RAB8A: variants seen among roughly 807,000 people sequenced by gnomAD.
The protein encoded by RAB8A is ras-related protein Rab-8A.
RAB8A carries 5 observed loss-of-function variants against 29.2 expected under a neutral mutation model. The observed-to-expected ratio is 0.17, with a 90% confidence interval of 0.09 to 0.36. The LOEUF (loss-of-function observed/expected upper bound fraction) is 0.36. RAB8A is among the 10% of genes least tolerant of loss of function. The probability of loss-of-function intolerance (pLI) is 1.00; values close to 1 mark genes in which losing one functional copy is unlikely to be tolerated. For missense variants in RAB8A, 171 were observed against 272.2 expected, an observed-to-expected ratio of 0.63 and a Z score of 2.62; for synonymous variants, 108 against 99.9, an observed-to-expected ratio of 1.08 and a Z score of -0.49.
rs1405256244 is a variant in RAB8A at position 16,133,117 on chromosome 19, C to G, written c.*813C>G. 6.6e-6 allele frequency: 1 copy of G among 152,376 alleles called. No homozygotes were observed. Among genetic ancestry groups the G allele is most frequent in the Admixed American group, 6.6e-5 (1 of 15,260 alleles). 9.4% of individuals were successfully genotyped at this position (152,376 alleles called of 1,614,324 possible). ...ACCCTCCTCTCAGCACCAAAATGGC[C>G]CCCACTCCTTCGTGTCCTCCCGCTA... On this transcript the variant is annotated 3_prime_UTR_variant, in exon 8 of 8. Coordinates refer to ENST00000300935, the MANE Select transcript of RAB8A (RefSeq NM_005370.5).
chr19:16,124,236 G>T (rs11665996), intron 3 of RAB8A: 28,182 of 151,980 alleles, frequency 0.19, 3,387 homozygotes, highest in Non-Finnish European at 0.27. Context: ...TGACTGTGAG[G>T]CCATTATTCA....
In RAB8A at chr19:16,121,817, A is replaced by T; in HGVS notation, c.246+7A>T. On this transcript the variant is annotated splice_region_variant and intron_variant, in intron 3 of 7. Coordinates refer to ENST00000300935, the MANE Select transcript of RAB8A (RefSeq NM_005370.5). ...CTACTACAGGGGTGCAATGGTAGGG[A>T]CTTTTTGTTTGGTTGTTTTTATCTG... The T allele has an allele frequency of 6.2e-7, 1 of 1,612,180 alleles. No individual in the cohort carries two copies. The highest frequency in any genetic ancestry group is 8.5e-7 in the Non-Finnish European group (1 of 1,178,490).
intron 1 of RAB8A, 112 bp downstream of exon 1, chr19:16,112,137 G>T: frequency 6.9e-7 from 1 of 1,442,522 alleles, no homozygotes; most frequent in Non-Finnish European, 9.4e-7. Context: ...CGCTGAGAGG[G>T]TCGAGGGGGC....
Position 16,132,382 on chromosome 19 carries a change from G to T in RAB8A, c.*78G>T, listed in dbSNP as rs982604435. The T allele has an allele frequency of 1.4e-6, 2 of 1,464,286 alleles. No homozygotes were observed. The highest frequency in any genetic ancestry group is 2.8e-5 in the African/African-American group (2 of 71,316). 90.7% of individuals were successfully genotyped at this position (1,464,286 alleles called of 1,614,324 possible). A position where few individuals can be genotyped will look rare whatever the true frequency, so the allele number is the denominator to read the frequency against. Reference sequence around the variant, plus strand: ...TGAGTGAGCCCCTCACTCAGCCGGGGCCCTCCCACCTCCAACGCCCCGCCC... The same window carrying T: ...TGAGTGAGCCCCTCACTCAGCCGGGTCCCTCCCACCTCCAACGCCCCGCCC... On this transcript the variant is annotated 3_prime_UTR_variant, in exon 8 of 8. Transcript: ENST00000300935. The surrounding 1 kb of genome is among the most constrained non-coding windows in gnomAD (Gnocchi z 5.6).
At position 16,112,162 on chromosome 19, in the gene RAB8A, G is replaced by C. The variant is rs946536798; in HGVS notation, c.124+137G>C. 5.5e-6 allele frequency: 7 copies of C among 1,267,896 alleles called. No individual in the cohort carries two copies. In the African/African-American group the frequency reaches 1.0e-4, roughly 19 times the overall value. The allele number at this position is 1,267,896 out of a possible 1,614,324, so 78.5% of individuals were successfully genotyped here. ...GTCGAGGGGGCCTAAAGGGAGAAGA[G>C]CAGTCGCCTGCACCGCCGTTCGGGG... On this transcript the variant is annotated intron_variant, in intron 1 of 7. Coordinates refer to ENST00000300935, the MANE Select transcript of RAB8A (RefSeq NM_005370.5).
chr19:16,131,106 G>A (rs867139860), intron 7 of RAB8A, among the ~76,000 whole-genome samples: 131 of 152,000 alleles, frequency 8.6e-4, no homozygotes, highest in African/African-American at 2.7e-3. Flanking sequence ...TTACAGGTGT[G>A]GGCCACCCCG....
chr19:16,121,572 G>T (rs2090875521), intron 2 of RAB8A, among the ~76,000 whole-genome samples, 178 bp from the exon 3 acceptor site: 1 of 107,644 alleles, frequency 9.3e-6, no homozygotes, highest in African/African-American at 3.2e-5. Flanking sequence ...ACCCCTCCAG[G>T]CCACAGTGTC....
At chr19:16,114,484 C>T (rs2090837964) in intron 1 of RAB8A, among the ~76,000 whole-genome samples, 1 of 148,762 alleles carries the variant, frequency 6.7e-6, no homozygotes, top group African/African-American at 2.5e-5. Context: ...TCCAGCGATT[C>T]TCCTGTCTCA....
chr19:16,118,631 G>T (rs945805382), intron 2 of RAB8A, among the ~76,000 whole-genome samples: 3 of 152,206 alleles, frequency 2.0e-5, no homozygotes, highest in Non-Finnish European at 4.4e-5. Context: ...TGCTGGTGAC[G>T]CCTGCAGGGA....
Position 16,125,164 on chromosome 19 carries a change from T to G in RAB8A, c.247-306T>G. The stretch of plus-strand genomic sequence containing the variant: ...TCAGGCTGCACCACCCCGTGGGCCA[T>G]GAGGGGAGCCAGCCGGGCTTGTCAG... On this transcript the variant is annotated intron_variant, in intron 3 of 7. Transcript: ENST00000300935. This position sits in a 1 kb window ranked among gnomAD's most constrained non-coding sequence, Gnocchi z 5.0. The G allele has an allele frequency of 4.2e-6, 2 of 475,428 alleles. No individual in the cohort carries two copies. The highest frequency in any genetic ancestry group is 1.9e-5 in the African/African-American group (1 of 51,334). The allele number at this position is 475,428 out of a possible 1,614,324, so 29.5% of individuals were successfully genotyped here. A position where few individuals can be genotyped will look rare whatever the true frequency, so the allele number is the denominator to read the frequency against.
Position 16,132,330 on chromosome 19 carries a change from G to C in RAB8A, c.*26G>C, listed in dbSNP as rs201882549. On this transcript the variant is annotated 3_prime_UTR_variant, in exon 8 of 8. Transcript: ENST00000300935. The surrounding 1 kb of genome is among the most constrained non-coding windows in gnomAD (Gnocchi z 5.6). ...GGAACACCGCCTTACTCTGAGCCTC[G>C]CTCAGCCCAGCTGACTGTGCCTGTT... The C allele has an allele frequency of 1.2e-6, 2 of 1,605,628 alleles. No homozygotes were observed. The highest frequency in any genetic ancestry group is 2.2e-5 in the East Asian group (1 of 44,686).
chr19:16,118,698 A>G (rs895422788), intron 2 of RAB8A, among the ~76,000 whole-genome samples: 1 of 152,154 alleles, frequency 6.6e-6, no homozygotes, highest in Non-Finnish European at 1.5e-5. Context: ...ACTCAGAAGC[A>G]TAAAGGTCCA....
Position 16,127,799 on chromosome 19 carries a change from C to T in RAB8A, c.415-227C>T. 1.6e-6 allele frequency: 1 copy of T among 627,266 alleles called. No individual in the cohort carries two copies. Among genetic ancestry groups the T allele is most frequent in the Non-Finnish European group, 2.9e-6 (1 of 349,480 alleles). The allele number at this position is 627,266 out of a possible 1,614,324, so 38.9% of individuals were successfully genotyped here. On this transcript the variant is annotated intron_variant, in intron 5 of 7. Coordinates refer to ENST00000300935, the MANE Select transcript of RAB8A (RefSeq NM_005370.5). The surrounding 1 kb of genome is among the most constrained non-coding windows in gnomAD (Gnocchi z 4.8). ...ATAGTTTGATCCCAGCAGGTCCCCG[C>T]CACCCTCCCATCTCAGCTGCCATCC...
intron 1 of RAB8A, among the ~76,000 whole-genome samples, chr19:16,117,236 C>A (rs2090850228): frequency 6.6e-6 from 1 of 152,030 alleles, no homozygotes; most frequent in African/African-American, 2.4e-5. Context: ...TGCCTATAAT[C>A]CCAGCACTTT....
Position 16,127,521 on chromosome 19 carries a change from G to A in RAB8A, c.409G>A (p.Glu137Lys). 6.5e-7 allele frequency: 1 copy of A among 1,533,808 alleles called. No individual in the cohort carries two copies. ...DKRQVSKERGEKLALDYGIKF... is the reference protein window; with the variant it reads ...DKRQVSKERGKKLALDYGIKF... ...GAGACAAGTTTCCAAGGAACGGGGA[G>A]AAAAGGTGGGCATGGTGGCACAAGG... The change falls in exon 5 of 8, where the codon GAA becomes AAA. Residue 137 changes from glutamate to lysine, a missense_variant. Glu to Lys is a moderately conservative substitution (Grantham distance 56). Coordinates refer to ENST00000300935, the MANE Select transcript of RAB8A (RefSeq NM_005370.5). The surrounding 1 kb of genome is among the most constrained non-coding windows in gnomAD (Gnocchi z 4.8).
chr19:16,129,291 G>T (rs2090915158), intron 6 of RAB8A, among the ~76,000 whole-genome samples: 2 of 152,218 alleles, frequency 1.3e-5, no homozygotes, highest in African/African-American at 4.8e-5. Context: ...GGTGGCACAT[G>T]CGTAAAGTCC....
chr19:16,121,551 C>T (rs2090875453), intron 2 of RAB8A, among the ~76,000 whole-genome samples, 199 bp from the exon 3 acceptor site: 2 of 149,868 alleles, frequency 1.3e-5, no homozygotes, highest in African/African-American at 4.9e-5. Context: ...ATGGCTCTGC[C>T]ACATCAAATG....
intron 3 of RAB8A, among the ~76,000 whole-genome samples, chr19:16,123,127 C>T (rs1347065671): frequency 3.3e-5 from 5 of 152,158 alleles, no homozygotes; most frequent in East Asian, 1.9e-4. Flanking sequence ...AGGTTTGGCC[C>T]GGTGGCCTGC....
chr19:16,129,546 T>C lies in RAB8A; in HGVS notation c.481-8T>C. ...ATCCCAAGGACTCACAATGTGCTTA[T>C]TCCACAGGCATTTTTCACTCTCGCC... On this transcript the variant is annotated splice_polypyrimidine_tract_variant and splice_region_variant and intron_variant, in intron 6 of 7. Coordinates refer to ENST00000300935, the MANE Select transcript of RAB8A (RefSeq NM_005370.5). The C allele has an allele frequency of 2.5e-6, 4 of 1,613,946 alleles. No homozygotes were observed. Among genetic ancestry groups the C allele is most frequent in the Non-Finnish European group, 3.4e-6 (4 of 1,179,872 alleles).
Sources: gnomAD v4.1 joint callset for allele counts (sites outside exome capture counted in the v4.1 genomes callset) on GRCh38, gnomAD v4.1.1 for gene constraint, Gnocchi (gnomAD v3.1) non-coding constraint, MANE v1.5 for transcripts, NCBI Gene and HGNC (gene_info 2026-07-23, HGNC 2026-07-21) for gene names.